NYNRIN: variants seen among roughly 807,000 people sequenced by gnomAD.
The protein encoded by NYNRIN is NYN domain and retroviral integrase containing.
A neutral mutation model predicts 146.6 loss-of-function variants in NYNRIN; 86 were observed. The observed-to-expected ratio is 0.59, with a 90% CI of 0.49 to 0.70. The LOEUF is 0.70. Among genes scored for constraint, NYNRIN ranks in the 30% least tolerant of loss-of-function variants. NYNRIN has a pLI of 0.00. For missense variants in NYNRIN, 2,191 were observed against 2,377.7 expected, an observed-to-expected ratio of 0.92 and a Z score of 1.63; for synonymous variants, 1,027 against 1,001.3, an observed-to-expected ratio of 1.03 and a Z score of -0.48.
rs934085148 is a variant in NYNRIN at position 24,411,614 on chromosome 14, G to A, written c.2642+164G>A. Among the ~76,000 whole-genome samples, 2 of 152,290 alleles carry A rather than the reference G, an allele frequency of 1.3e-5. No individual in the cohort carries two copies. Among genetic ancestry groups the A allele is most frequent in the Middle Eastern group, 3.4e-3 (1 of 294 alleles). On this transcript the variant is annotated intron_variant, in intron 6 of 8. Transcript: ENST00000382554. This position sits in a 1 kb window ranked among gnomAD's most constrained non-coding sequence, Gnocchi z 4.3. ...GAGCACGGGCATCTGTCAGCAGAGG[G>A]ATGGGCACATTGAGGAAAGGGCTTG...
rs768137051 is a variant in NYNRIN, at chr14:24,415,016, C to A, written c.3267C>A (p.Ser1089Arg). 1 of 1,604,068 alleles carries A rather than the reference C, an allele frequency of 6.2e-7. No individual in the cohort carries two copies. The highest frequency in any genetic ancestry group is 1.1e-5 in the South Asian group (1 of 90,606). ...LAHLAQLTIP[S>R]NFTALSFFMG... is the part of the protein sequence containing the mutation. ...ACCTGGCCCAGCTCACCATCCCCAGCAACTTCACCGCACTCTCCTTCTTCA... is the reference window on the plus strand; with the variant it reads ...ACCTGGCCCAGCTCACCATCCCCAGAAACTTCACCGCACTCTCCTTCTTCA... The change falls in exon 9 of 9, where the codon AGC (serine) becomes AGA (arginine). Residue 1089 changes from serine to arginine, a missense_variant. Ser to Arg is a moderately radical substitution (Grantham distance 110, BLOSUM62 -1). Around this residue, in one of 3 missense-constraint regions of NYNRIN, gnomAD observed 1,291 missense variants for 1,417.0 expected, o/e 0.91. Transcript: ENST00000382554.
chr14:24,400,222 T>C (rs981728659), intron 2 of NYNRIN, among the ~76,000 whole-genome samples: 3 of 152,190 alleles, frequency 2.0e-5, no homozygotes, highest in African/African-American at 7.2e-5. Flanking sequence ...GGGCTTGCTA[T>C]GTGGGGCTGG....
chr14:24,408,358 G>A lies in NYNRIN; in HGVS notation c.688G>A (p.Glu230Lys), dbSNP rs767266661. ...AATCTGCCCTCCCCAGCAGCAGAAG[G>A]AAGCCCCAGCCATGGTGTCCGTGGG... is the stretch of plus-strand genomic sequence containing the variant. ...VLICPPQQQK[E>K]APAMVSVGES... The change falls in exon 3 of 9, where the codon GAA becomes AAA. Residue 230 changes from glutamate (E) to lysine (K), a missense_variant. By Grantham distance (56) the Glu-to-Lys change is moderately conservative. Around this residue, in one of 3 missense-constraint regions of NYNRIN, gnomAD observed 895 missense variants for 941.2 expected, o/e 0.95. Transcript: ENST00000382554. The A allele has an allele frequency of 1.2e-6, 2 of 1,613,902 alleles. No individual in the cohort carries two copies. Among genetic ancestry groups the A allele is most frequent in the Admixed American group, 1.7e-5 (1 of 60,028 alleles).
At chr14:24,412,895 C>T (rs981818971) in intron 6 of NYNRIN, 102 bp from the exon 7 acceptor site, 20 of 746,018 alleles carry the variant, frequency 2.7e-5, no homozygotes, top group Middle Eastern at 3.3e-4. Context: ...GTGTCTTTGT[C>T]TGACACACCT....
At position 24,415,972 on chromosome 14, in the gene NYNRIN, C is replaced by T. The variant is rs760506948; in HGVS notation, c.4223C>T (p.Pro1408Leu). ...LSSDGAPLPH[P>L]SLLSYIISLT... ...TCTGATGGGGCTCCACTCCCTCACC[C>T]AAGCCTGCTCTCCTACATTATATCC... Residue 1408 changes from proline to leucine, a missense_variant, in exon 9 of 9, where the codon CCA (proline) becomes CTA (leucine). Physicochemically the swap from Pro to Leu is moderately conservative, Grantham distance 98. Coordinates refer to ENST00000382554, the MANE Select transcript of NYNRIN (RefSeq NM_025081.3). 32 of 1,613,864 alleles carry T rather than the reference C, an allele frequency of 2.0e-5. No homozygotes were observed. Among genetic ancestry groups the T allele is most frequent in the African/African-American group, 2.7e-5 (2 of 74,940 alleles).
Position 24,411,008 on chromosome 14 carries a change from C to G in NYNRIN, c.2415-68C>G. On this transcript the variant is annotated intron_variant, in intron 4 of 8. Transcript: ENST00000382554. The surrounding 1 kb of genome is among the most constrained non-coding windows in gnomAD (Gnocchi z 4.3). Reference sequence around the variant, plus strand: ...CCTTGGTGCTGGCATTGCTTGCTTGCTGCCCCAGGGCTGGCTCTGAGGGAG... The same window carrying G: ...CCTTGGTGCTGGCATTGCTTGCTTGGTGCCCCAGGGCTGGCTCTGAGGGAG... 4 of 1,595,398 alleles carry G rather than the reference C, an allele frequency of 2.5e-6. No individual in the cohort carries two copies. The highest frequency in any genetic ancestry group is 3.5e-5 in the Admixed American group (2 of 57,654).
At position 24,399,218 on chromosome 14, in the gene NYNRIN, CCTT is replaced by C. The variant is rs1194461606; in HGVS notation, c.-17-10_-17-8del. On this transcript the variant is annotated splice_polypyrimidine_tract_variant and intron_variant, in intron 1 of 8. Transcript: ENST00000382554. ...CGAGACCCGGGTGACACTATCGTCTCCTTCGTTCCAGGAGCGGGCGGGGCAGCC... is the reference window on the plus strand; with the variant it reads ...CGAGACCCGGGTGACACTATCGTCTCCGTTCCAGGAGCGGGCGGGGCAGCC... 4 of 1,609,918 alleles carry C rather than the reference CCTT, an allele frequency of 2.5e-6. No homozygotes were observed. In the Admixed American group the frequency reaches 6.7e-5, roughly 27 times the overall value.
At chr14:24,402,607 A>G (rs1033228531) in intron 2 of NYNRIN, among the ~76,000 whole-genome samples, 1 of 152,146 alleles carries the variant, frequency 6.6e-6, no homozygotes, top group Non-Finnish European at 1.5e-5. Context: ...GTTGGCTCCT[A>G]TGGACCCACT....
chr14:24,415,569 C>T lies in NYNRIN; in HGVS notation c.3820C>T (p.Leu1274Phe), dbSNP rs751192692. ...AGGCAAGAGGGCCCTGGAATTGGCC[C>T]TCCTCCAGGGCCTGCTGGGGGAGAA... ...DKGKRALELA[L>F]LQGLLGENRL... Residue 1274 changes from leucine to phenylalanine, a missense_variant, in exon 9 of 9, where the codon CTC becomes TTC. Around this residue, in one of 3 missense-constraint regions of NYNRIN, gnomAD observed 1,291 missense variants for 1,417.0 expected, o/e 0.91. Coordinates refer to ENST00000382554, the MANE Select transcript of NYNRIN (RefSeq NM_025081.3). 2 of 1,613,796 alleles carry T rather than the reference C, an allele frequency of 1.2e-6. No homozygotes were observed. Among genetic ancestry groups the T allele is most frequent in the Non-Finnish European group, 1.7e-6 (2 of 1,179,862 alleles).
At chr14:24,405,675 C>G (rs564600090) in intron 2 of NYNRIN, among the ~76,000 whole-genome samples, 1 of 152,316 alleles carries the variant, frequency 6.6e-6, no homozygotes, top group South Asian at 2.1e-4. Context: ...TCCCAGCCTA[C>G]TAACTGTGTG....
Position 24,419,220 on chromosome 14 carries a change from T to G in NYNRIN, c.*1774T>G, listed in dbSNP as rs910114686. The G allele has an allele frequency of 3.3e-5, 5 of 152,234 alleles. No homozygotes were observed. Among genetic ancestry groups the G allele is most frequent in the African/African-American group, 1.2e-4 (5 of 41,436 alleles). The allele number at this position is 152,234 out of a possible 1,614,324, so 9.4% of individuals were successfully genotyped here. ...TTCCCCCTGTTAGCTACATTTGTGATCACATACCCTTCTTTTAAGTGAATT... is the reference window on the plus strand; with the variant it reads ...TTCCCCCTGTTAGCTACATTTGTGAGCACATACCCTTCTTTTAAGTGAATT... On this transcript the variant is annotated 3_prime_UTR_variant, in exon 9 of 9. Transcript: ENST00000382554.
At chr14:24,403,889 T>A (rs887617728) in intron 2 of NYNRIN, among the ~76,000 whole-genome samples, 10 of 152,194 alleles carry the variant, frequency 6.6e-5, no homozygotes, top group African/African-American at 2.4e-4. Context: ...AAAAGGAAAA[T>A]TATTTTCCTT....
At position 24,417,040 on chromosome 14, in the gene NYNRIN, G is replaced by C; in HGVS notation, c.5291G>C (p.Gly1764Ala). 3 of 1,610,618 alleles carry C rather than the reference G, an allele frequency of 1.9e-6. No individual in the cohort carries two copies. The highest frequency in any genetic ancestry group is 2.5e-6 in the Non-Finnish European group (3 of 1,177,878). Residue 1764 changes from glycine to alanine, a missense_variant, in exon 9 of 9, where the codon GGT becomes GCT. Gly to Ala is a moderately conservative substitution (Grantham distance 60). Coordinates refer to ENST00000382554, the MANE Select transcript of NYNRIN (RefSeq NM_025081.3). ...ACACCGTTCAAGGTCCTGACCGGGG[G>C]TGAGTCAAGGCTCACGGAGCCCCTG... ...DATPFKVLTGGESRLTEPLWW... is the reference protein window; with the variant it reads ...DATPFKVLTGAESRLTEPLWW...
At chr14:24,405,014 G>T (rs1403005412) in intron 2 of NYNRIN, among the ~76,000 whole-genome samples, 1 of 27,060 alleles carries the variant, frequency 3.7e-5, no homozygotes, top group Non-Finnish European at 8.8e-5. Context: ...GTGTGTGTGT[G>T]TGTGTGTGTG....
At position 24,410,218 on chromosome 14, in the gene NYNRIN, C is replaced by T; in HGVS notation, c.2414+10C>T. ...GCAGTGTGGCCATGGTGTGAGTAGT[C>T]ACGGGCGTGGGGTGGGCTGGGGATG... On this transcript the variant is annotated intron_variant, in intron 4 of 8. Transcript: ENST00000382554. 1.3e-6 allele frequency: 2 copies of T among 1,571,730 alleles called. No individual in the cohort carries two copies. Among genetic ancestry groups the T allele is most frequent in the South Asian group, 1.2e-5 (1 of 84,760 alleles).
Position 24,408,495 on chromosome 14 carries a change from C to T in NYNRIN, c.825C>T (p.Ser275=), listed in dbSNP as rs2042890098. 6.3e-7 allele frequency: 1 copy of T among 1,597,560 alleles called. No individual in the cohort carries two copies. The highest frequency in any genetic ancestry group is 2.2e-5 in the East Asian group (1 of 44,692). The part of the protein sequence containing the change: ...GATGSLITAQ[S]TPQEAANQLV... ...CTGGGTCCCTGATCACAGCCCAGAG[C>T]ACACCGCAGGAGGCAGCAAACCAGC... Residue 275 remains serine, a synonymous_variant, in exon 3 of 9, where the codon AGC becomes AGT. Coordinates refer to ENST00000382554, the MANE Select transcript of NYNRIN (RefSeq NM_025081.3).
In NYNRIN at chr14:24,417,266, G is replaced by A. The variant is rs975820379; in HGVS notation, c.5517G>A (p.Arg1839=). 3 of 1,614,062 alleles carry A rather than the reference G, an allele frequency of 1.9e-6. No homozygotes were observed. Among genetic ancestry groups the A allele is most frequent in the Admixed American group, 3.3e-5 (2 of 60,036 alleles). ...AGGTCCTTTTGCTGTCCCTCCCCAGGAATGGCAGCAGTGCCAAATGGGTGG... is the reference window on the plus strand; with the variant it reads ...AGGTCCTTTTGCTGTCCCTCCCCAGAAATGGCAGCAGTGCCAAATGGGTGG... ...GDQVLLLSLP[R]NGSSAKWVGP... The change falls in exon 9 of 9, where the codon AGG becomes AGA. Residue 1839 remains arginine, a synonymous_variant. Coordinates refer to ENST00000382554, the MANE Select transcript of NYNRIN (RefSeq NM_025081.3).
At position 24,410,941 on chromosome 14, in the gene NYNRIN, A is replaced by G. The variant is rs79238490; in HGVS notation, c.2415-135A>G. On this transcript the variant is annotated intron_variant, in intron 4 of 8. Transcript: ENST00000382554. ...CCTGCACCAAGTAGGTGCTCACAGA[A>G]TGTCTGAGTATGGAGGGAAGGGGAG... The G allele has an allele frequency of 2.2e-3, 2,375 of 1,063,186 alleles. 42 individuals are homozygous for G. The African/African-American group carries it at 0.032, about 15-fold the overall frequency. 65.9% of individuals were successfully genotyped at this position (1,063,186 alleles called of 1,614,324 possible).
Position 24,411,341 on chromosome 14 carries a change from CT to C in NYNRIN, c.2546-10del, listed in dbSNP as rs770157445. 17 of 1,613,726 alleles carry C rather than the reference CT, an allele frequency of 1.1e-5. No individual in the cohort carries two copies. Among genetic ancestry groups the C allele is most frequent in the Admixed American group, 5.0e-5 (3 of 60,006 alleles). ...TCCCTTGACCATTTCTGTCTTCTGC[CT>C]TTCACCCCCAGAGAGCCACTTTCTG... On this transcript the variant is annotated splice_polypyrimidine_tract_variant and intron_variant, in intron 5 of 8. Coordinates refer to ENST00000382554, the MANE Select transcript of NYNRIN (RefSeq NM_025081.3). This position sits in a 1 kb window ranked among gnomAD's most constrained non-coding sequence, Gnocchi z 4.3.
Sources: gnomAD v4.1 joint callset for allele counts (sites outside exome capture counted in the v4.1 genomes callset) on GRCh38, gnomAD v4.1.1 for gene constraint, gnomAD v4.1.1 regional missense constraint, Gnocchi (gnomAD v3.1) non-coding constraint, MANE v1.5 for transcripts, NCBI Gene and HGNC (gene_info 2026-07-23, HGNC 2026-07-21) for gene names.